Variants in MYL3 observed in about 807,000 individuals in gnomAD.
The protein encoded by MYL3 is myosin light chain 3.
In MYL3, 11 loss-of-function variants were observed where a neutral mutation model predicts 21.3. That is an observed-to-expected ratio of 0.52 (90% CI 0.32 to 0.85). MYL3 has a LOEUF of 0.85. Ranked by LOEUF, MYL3 falls within the 40% of genes least tolerant of loss-of-function variation. The probability of loss-of-function intolerance (pLI) is 0.03; values close to 1 mark genes in which losing one functional copy is unlikely to be tolerated. For synonymous variants in MYL3, 88 were observed against 91.6 expected (o/e 0.96, Z 0.22); for missense variants, 206 against 253.3 (o/e 0.81, Z 1.27).
upstream of MYL3, among the ~76,000 whole-genome samples, chr3:46,866,981 C>A (rs1157585789): frequency 6.6e-6 from 1 of 152,188 alleles, no homozygotes; most frequent in Non-Finnish European, 1.5e-5. Context: ...AACCCCAGAA[C>A]CCAGAATCCC....
In MYL3 at chr3:46,860,813, G is replaced by A. The variant is rs139794067; in HGVS notation, c.170C>T (p.Ala57Val). ...GGGTGTGCGGTCGAACAGCATGAAG[G>A]CTTCCTTGAACTCTGCCAGGAGAGG... is the stretch of plus-strand genomic sequence containing the variant. The part of the protein sequence containing the change: ...TPEQIEEFKE[A>V]FMLFDRTPKC... Residue 57 changes from alanine to valine, a missense_variant, in exon 3 of 7, where the codon GCC becomes GTC. By Grantham distance (64) the Ala-to-Val change is moderately conservative. Transcript: ENST00000292327. This position sits in a 1 kb window ranked among gnomAD's most constrained non-coding sequence, Gnocchi z 4.6. 1 of 1,613,938 alleles carries A rather than the reference G, an allele frequency of 6.2e-7. No homozygotes were observed. The highest frequency in any genetic ancestry group is 1.3e-5 in the African/African-American group (1 of 74,880).
At chr3:46,862,554 G>A (rs1702003335) in intron 1 of MYL3, among the ~76,000 whole-genome samples, 1 of 152,182 alleles carries the variant, frequency 6.6e-6, no homozygotes. Flanking sequence ...CAAGAACAGG[G>A]AGCAGGCAGG....
upstream of MYL3, among the ~76,000 whole-genome samples, chr3:46,866,948 C>T (rs1702052436): frequency 6.6e-6 from 1 of 152,208 alleles, no homozygotes; most frequent in East Asian, 1.9e-4. Context: ...GGGATGGGAA[C>T]CGACCTTTGG....
chr3:46,867,921 G>A (rs936520583), upstream of MYL3, among the ~76,000 whole-genome samples: 2 of 152,208 alleles, frequency 1.3e-5, no homozygotes, highest in Admixed American at 6.5e-5. Flanking sequence ...CAGACCCCAC[G>A]CGGGGCCCCT....
At position 46,859,209 on chromosome 3, in the gene MYL3, T is replaced by G. The variant is rs1701963969; in HGVS notation, c.481+266A>C. Among the ~76,000 whole-genome samples, 1 of 151,558 alleles carries G rather than the reference T, an allele frequency of 6.6e-6. No individual in the cohort carries two copies. The highest frequency in any genetic ancestry group is 1.5e-5 in the Non-Finnish European group (1 of 67,870). Reference sequence around the variant, plus strand: ...TGACCACCAGGACGGTGGCCTGGAGTCGTGGGAAGGAGGGGAGCATATCAA... The same window carrying G: ...TGACCACCAGGACGGTGGCCTGGAGGCGTGGGAAGGAGGGGAGCATATCAA... On this transcript the variant is annotated intron_variant, in intron 4 of 6. Coordinates refer to ENST00000292327, the MANE Select transcript of MYL3 (RefSeq NM_000258.3). The surrounding 1 kb of genome is among the most constrained non-coding windows in gnomAD (Gnocchi z 4.1).
chr3:46,863,562 A>T, upstream of MYL3: 1 of 678,046 alleles, frequency 1.5e-6, no homozygotes, highest in Non-Finnish European at 2.4e-6. Flanking sequence ...CTTAGGGGCT[A>T]TTTTGGGGCC....
rs554596780 is a variant in MYL3, at chr3:46,860,886, A to G, written c.158-61T>C. 1 of 1,613,256 alleles carries G rather than the reference A, an allele frequency of 6.2e-7. No homozygotes were observed. Among genetic ancestry groups the G allele is most frequent in the East Asian group, 2.2e-5 (1 of 44,854 alleles). On this transcript the variant is annotated intron_variant, in intron 2 of 6. Transcript: ENST00000292327. This position sits in a 1 kb window ranked among gnomAD's most constrained non-coding sequence, Gnocchi z 4.6. ...AGGGTCAGCCTACCCCACTCCCCAC[A>G]CCCCTGGCAGGACCCTCAGACCAGG...
rs112919555 is a variant in MYL3, at chr3:46,859,060, C to T, written c.481+415G>A. ...AGAGGGACCCCCTGCTGCAGGCAGC[C>T]GATGGTAGGGGTATAAGTGGGAGGT... On this transcript the variant is annotated intron_variant, in intron 4 of 6. Coordinates refer to ENST00000292327, the MANE Select transcript of MYL3 (RefSeq NM_000258.3). The surrounding 1 kb of genome is among the most constrained non-coding windows in gnomAD (Gnocchi z 4.1). 2.0e-5 allele frequency among the ~76,000 whole-genome samples: 3 copies of T among 152,194 alleles called. No individual in the cohort carries two copies. The highest frequency in any genetic ancestry group is 7.2e-5 in the African/African-American group (3 of 41,512).
chr3:46,876,405 G>A (rs1266659819), intron 1 of MYL3, among the ~76,000 whole-genome samples: 1 of 152,214 alleles, frequency 6.6e-6, no homozygotes, highest in Admixed American at 6.5e-5. Flanking sequence ...GACCTCCGCT[G>A]GCCTGGTCAC....
At chr3:46,858,957 A>C (rs764227650) in intron 4 of MYL3, among the ~76,000 whole-genome samples, 8 of 151,986 alleles carry the variant, frequency 5.3e-5, no homozygotes, top group Non-Finnish European at 1.0e-4. Flanking sequence ...ACACACAGAG[A>C]GAGAGAGGAG....
chr3:46,869,886 T>C (rs1022929228), intron 1 of MYL3, among the ~76,000 whole-genome samples: 1 of 151,964 alleles, frequency 6.6e-6, no homozygotes, highest in Non-Finnish European at 1.5e-5. Context: ...TTTGAGTGGA[T>C]GGACCGACTG....
intron 1 of MYL3, among the ~76,000 whole-genome samples, chr3:46,880,047 C>T (rs1203904374): frequency 1.3e-5 from 2 of 152,158 alleles, no homozygotes; most frequent in African/African-American, 2.4e-5. Context: ...AGAAAAGAAA[C>T]AGAGGCATAA....
intron 1 of MYL3, among the ~76,000 whole-genome samples, chr3:46,869,217 G>C (rs1162987239): frequency 6.6e-6 from 1 of 152,098 alleles, no homozygotes; most frequent in Non-Finnish European, 1.5e-5. Context: ...GCTTCCCAAA[G>C]AGCAAATATT....
chr3:46,874,879 C>T lies in MYL3; in HGVS notation c.-218+7195G>A, dbSNP rs892224099. Among the ~76,000 whole-genome samples the T allele has an allele frequency of 6.6e-6, 1 of 152,044 alleles. No homozygotes were observed. The highest frequency in any genetic ancestry group is 1.5e-5 in the Non-Finnish European group (1 of 68,002). On this transcript the variant is annotated intron_variant, in intron 1 of 3. Coordinates refer to the MYL3 transcript ENST00000431168. The surrounding 1 kb of genome is among the most constrained non-coding windows in gnomAD (Gnocchi z 4.1). ...GTCCCCAGTGGCTGGCCAGGTTGCC[C>T]GGGCATGTGGGGGCACTGATGAAAG...
Position 46,860,757 on chromosome 3 carries a change from A to G in MYL3, c.226T>C (p.Cys76Arg). The part of the protein sequence containing the change: ...KCEMKITYGQ[C>R]GDVLRALGQN... ...CCCAGCGCCCGCAGGACATCCCCAC[A>G]CTGCCCGTAGGTGATCTTCATCTCA... Residue 76 changes from cysteine (C) to arginine (R), a missense_variant, in exon 3 of 7, where the codon TGT becomes CGT. Transcript: ENST00000292327. The surrounding 1 kb of genome is among the most constrained non-coding windows in gnomAD (Gnocchi z 4.6). The G allele has an allele frequency of 6.2e-7, 1 of 1,614,130 alleles. No individual in the cohort carries two copies. The highest frequency in any genetic ancestry group is 8.5e-7 in the Non-Finnish European group (1 of 1,180,012).
intron 1 of MYL3, among the ~76,000 whole-genome samples, chr3:46,877,044 A>C (rs564467879): frequency 3.2e-4 from 49 of 152,218 alleles, no homozygotes; most frequent in African/African-American, 1.1e-3. Flanking sequence ...TGACAGCTTA[A>C]GCAGACCCTG....
chr3:46,877,912 G>C (rs561436100), intron 1 of MYL3: 6 of 152,282 alleles, frequency 3.9e-5, no homozygotes, highest in Non-Finnish European at 8.8e-5. Flanking sequence ...GGTTTCCCTG[G>C]GGGTGAGTGT....
rs397516278 is a variant in MYL3 at position 46,859,618 on chromosome 3, G to A, written c.338C>T (p.Thr113Ile). Residue 113 changes from threonine (T) to isoleucine (I), a missense_variant, in exon 4 of 7, where the codon ACT becomes ATT. Thr to Ile is a moderately conservative substitution (Grantham distance 89). Coordinates refer to ENST00000292327, the MANE Select transcript of MYL3 (RefSeq NM_000258.3). The surrounding 1 kb of genome is among the most constrained non-coding windows in gnomAD (Gnocchi z 4.1). ...AATGTGCTGGAGCATAGGCAGGAAAGTTTCAAAGTCCATCATCTTGGTATT... is the reference window on the plus strand; with the variant it reads ...AATGTGCTGGAGCATAGGCAGGAAAATTTCAAAGTCCATCATCTTGGTATT... ...ELNTKMMDFE[T>I]FLPMLQHISK... 12 of 1,614,200 alleles carry A rather than the reference G, an allele frequency of 7.4e-6. No homozygotes were observed. The highest frequency in any genetic ancestry group is 1.0e-5 in the Non-Finnish European group (12 of 1,180,036).
intron 1 of MYL3, among the ~76,000 whole-genome samples, chr3:46,875,686 C>T (rs1444070198): frequency 1.3e-5 from 2 of 152,186 alleles, no homozygotes; most frequent in East Asian, 1.9e-4. Flanking sequence ...GAAACTCAGG[C>T]GAGTCTCAGG....
Sources: allele counts gnomAD v4.1 joint callset (sites outside exome capture counted in the v4.1 genomes callset), GRCh38; gene constraint gnomAD v4.1.1; non-coding constraint Gnocchi (gnomAD v3.1); transcripts MANE v1.5; gene names NCBI Gene and HGNC (gene_info 2026-07-23, HGNC 2026-07-21).